The following CALN1 variants were observed in gnomAD, a reference collection of about 807,000 sequenced individuals.
The protein encoded by CALN1 is calcium-binding protein 8.
In CALN1, 17 loss-of-function variants were observed where a neutral mutation model predicts 30.6. The observed-to-expected ratio is 0.56, with a 90% CI of 0.38 to 0.83. The LOEUF is 0.83. Among genes scored for constraint, CALN1 ranks in the 40% least tolerant of loss-of-function variants. The pLI is 0.00. For missense variants in CALN1, 291 were observed against 354.9 expected (o/e 0.82, Z 1.45); for synonymous variants, 156 against 131.4 (o/e 1.19, Z -1.28).
chr7:72,243,615 A>G (rs1222898460), intron 3 of CALN1, among the ~76,000 whole-genome samples: 1 of 152,044 alleles, frequency 6.6e-6, no homozygotes, highest in Non-Finnish European at 1.5e-5. Context: ...CCCTGCCCCC[A>G]GTACTCACTG....
At chr7:72,421,590 T>TTC (rs1807611465) in intron 1 of CALN1, among the ~76,000 whole-genome samples, 1 of 139,486 alleles carries the variant, frequency 7.2e-6, no homozygotes, top group Non-Finnish European at 1.5e-5. Context: ...TTTTTTTTTT[T>TTC]TTTTTTTTTT....
Position 71,898,349 on chromosome 7 carries a change from G to T in CALN1, c.502-87857C>A, listed in dbSNP as rs570096809. On this transcript the variant is annotated intron_variant, in intron 5 of 6. Coordinates refer to ENST00000395275, the MANE Select transcript of CALN1 (RefSeq NM_031468.4). The stretch of plus-strand genomic sequence containing the variant: ...CATCTAAAAAAAGAAAGAAAGAAAA[G>T]AAAATATCCCAAAATTTAAAACTCA... Among the ~76,000 whole-genome samples, 3 of 152,112 alleles carry T rather than the reference G, an allele frequency of 2.0e-5. No individual in the cohort carries two copies. In the East Asian group the frequency reaches 5.8e-4, roughly 29 times the overall value.
intron 2 of CALN1, among the ~76,000 whole-genome samples, chr7:72,284,840 T>C (rs575049788): frequency 2.6e-5 from 4 of 152,228 alleles, no homozygotes; most frequent in African/African-American, 9.6e-5. Flanking sequence ...GATAGATAGA[T>C]AGAGATATAT....
chr7:72,319,421 G>A (rs1402751111), intron 2 of CALN1, among the ~76,000 whole-genome samples: 4 of 152,126 alleles, frequency 2.6e-5, no homozygotes, highest in East Asian at 1.9e-4. Context: ...AGACTTATTC[G>A]CTATCACGAG....
At chr7:72,043,185 G>A (rs560647596) in intron 4 of CALN1, among the ~76,000 whole-genome samples, 3 of 152,210 alleles carry the variant, frequency 2.0e-5, no homozygotes, top group Non-Finnish European at 2.9e-5. Context: ...GCACAGTCTC[G>A]TCATTCTCTT....
chr7:72,030,513 C>T (rs1027848219), intron 4 of CALN1, among the ~76,000 whole-genome samples: 1 of 152,122 alleles, frequency 6.6e-6, no homozygotes, highest in Admixed American at 6.6e-5. Flanking sequence ...GAATACCCCC[C>T]AAAAGTTATC....
At chr7:72,069,009 T>C (rs533706085) in intron 4 of CALN1, among the ~76,000 whole-genome samples, 21 of 152,360 alleles carry the variant, frequency 1.4e-4, no homozygotes, top group African/African-American at 5.1e-4. Flanking sequence ...AGACTGATTC[T>C]AAGTTGCAGG....
At chr7:72,212,102 C>T (rs1792441105) in intron 3 of CALN1, among the ~76,000 whole-genome samples, 2 of 152,074 alleles carry the variant, frequency 1.3e-5, no homozygotes, top group Admixed American at 1.3e-4. Context: ...CCTGTAATCC[C>T]AGCACTTTGG....
chr7:71,858,700 CCAAT>C (rs568401127), intron 5 of CALN1, among the ~76,000 whole-genome samples: 48 of 152,208 alleles, frequency 3.2e-4, no homozygotes, highest in African/African-American at 1.1e-3. Context: ...CAGTGAAAGG[CCAAT>C]CAGAGATTCA....
chr7:72,383,460 C>T (rs1242481571), intron 2 of CALN1, among the ~76,000 whole-genome samples: 1 of 152,086 alleles, frequency 6.6e-6, no homozygotes, highest in Non-Finnish European at 1.5e-5. Flanking sequence ...GAGGAGGTAT[C>T]TCATTATGGT....
intron 4 of CALN1, among the ~76,000 whole-genome samples, chr7:72,091,163 T>C (rs1805832491): frequency 6.6e-6 from 1 of 152,136 alleles, no homozygotes; most frequent in Non-Finnish European, 1.5e-5. Flanking sequence ...ACTCCCTTTC[T>C]ACTAAAAATA....
chr7:71,810,560 C>G, intron 5 of CALN1, 68 bp from the exon 6 acceptor site: 14 of 1,515,264 alleles, frequency 9.2e-6, no homozygotes, highest in Non-Finnish European at 1.3e-5. Context: ...CGGGCCATGA[C>G]AGGCCAGACC....
chr7:72,192,124 C>T (rs1414326640), intron 3 of CALN1, among the ~76,000 whole-genome samples: 3 of 152,138 alleles, frequency 2.0e-5, no homozygotes, highest in South Asian at 2.1e-4. Flanking sequence ...TGCAGAAGGT[C>T]GGACATCATA....
intron 2 of CALN1, among the ~76,000 whole-genome samples, chr7:72,399,272 T>C (rs1311585922): frequency 7.3e-4 from 98 of 134,270 alleles, no homozygotes; most frequent in African/African-American, 2.7e-3. Flanking sequence ...ACCTATTGCT[T>C]TTTTTTTTTT....
chr7:71,970,681 T>G (rs1462811879), intron 5 of CALN1, among the ~76,000 whole-genome samples: 1 of 152,002 alleles, frequency 6.6e-6, no homozygotes, highest in Non-Finnish European at 1.5e-5. Context: ...GATTTCCCAC[T>G]TCGTCCCCGC....
chr7:72,345,319 G>A (rs1802582720), intron 2 of CALN1, among the ~76,000 whole-genome samples: 1 of 142,604 alleles, frequency 7.0e-6, no homozygotes, highest in Non-Finnish European at 1.5e-5. Context: ...AAAATAGCAA[G>A]AGAAGGAAAG....
chr7:72,308,142 T>C (rs918776446), intron 2 of CALN1, among the ~76,000 whole-genome samples: 2 of 152,112 alleles, frequency 1.3e-5, no homozygotes, highest in Non-Finnish European at 2.9e-5. Flanking sequence ...GGCAGGTGGA[T>C]TGCTTGAGGT....
At chr7:72,106,622 GAGAA>G (rs1303260088) in intron 3 of CALN1, among the ~76,000 whole-genome samples, 1 of 141,552 alleles carries the variant, frequency 7.1e-6, no homozygotes, top group East Asian at 2.1e-4. Context: ...GAGGAAAAAA[GAGAA>G]AGAAGAAAGG....
chr7:72,347,417 C>T (rs1269737694), intron 2 of CALN1, among the ~76,000 whole-genome samples: 1 of 151,892 alleles, frequency 6.6e-6, no homozygotes, highest in Non-Finnish European at 1.5e-5. Context: ...CAGGCATGTG[C>T]CATCATGCCT....
Sources: gnomAD v4.1 joint callset for allele counts (sites outside exome capture counted in the v4.1 genomes callset) on GRCh38, gnomAD v4.1.1 for gene constraint, MANE v1.5 for transcripts, NCBI Gene and HGNC (gene_info 2026-07-23, HGNC 2026-07-21) for gene names.